Variants in FRMD4A observed in about 807,000 individuals in gnomAD.
FRMD4A encodes the protein FERM domain-containing protein 4A.
A neutral mutation model predicts 129.1 loss-of-function variants in FRMD4A; 29 were observed. That is an observed-to-expected ratio of 0.22 (90% CI 0.17 to 0.31). The LOEUF (loss-of-function observed/expected upper bound fraction) is 0.31, where lower values mean the gene tolerates loss of function less well. Among genes scored for constraint, FRMD4A ranks in the 10% least tolerant of loss-of-function variants. FRMD4A has a pLI of 1.00. For synonymous variants in FRMD4A, 634 were observed against 571.6 expected (o/e 1.11, Z -1.56); for missense variants, 1,272 against 1,375.8 (o/e 0.92, Z 1.19).
At chr10:14,224,823 A>C (rs1489289043) in intron 2 of FRMD4A, among the ~76,000 whole-genome samples, 2 of 152,348 alleles carry the variant, frequency 1.3e-5, no homozygotes, top group East Asian at 3.9e-4. Flanking sequence ...GACAGGCCTC[A>C]AGTTTTGTCA....
At chr10:13,696,289 G>A (rs1005882333) in intron 14 of FRMD4A, among the ~76,000 whole-genome samples, 2 of 152,166 alleles carry the variant, frequency 1.3e-5, no homozygotes, top group East Asian at 1.9e-4. Context: ...CAAGCATGGC[G>A]AGTACAACCC....
At chr10:14,194,474 G>T (rs1359871966) in intron 2 of FRMD4A, among the ~76,000 whole-genome samples, 1 of 152,210 alleles carries the variant, frequency 6.6e-6, no homozygotes, top group Non-Finnish European at 1.5e-5. Flanking sequence ...AGCCGGGCGT[G>T]GTGGCAGGCA....
At chr10:14,129,068 C>T (rs890727713) in intron 2 of FRMD4A, among the ~76,000 whole-genome samples, 1 of 151,920 alleles carries the variant, frequency 6.6e-6, no homozygotes, top group African/African-American at 2.4e-5. Flanking sequence ...GTGGCCCCCC[C>T]AATACCCTAT....
rs576019301 is a variant in FRMD4A at position 13,862,590 on chromosome 10, G to A, written c.46-3678C>T. ...CCTAGGAAATTTACAAACATGCTCC[G>A]TATTTTAATGCCTCCCTGTAGAAAG... is the stretch of plus-strand genomic sequence containing the variant. On this transcript the variant is annotated intron_variant, in intron 2 of 24. Coordinates refer to ENST00000357447, the MANE Select transcript of FRMD4A (RefSeq NM_018027.5). Among the ~76,000 whole-genome samples, 5 of 152,206 alleles carry A rather than the reference G, an allele frequency of 3.3e-5. No homozygotes were observed. The South Asian group carries it at 8.3e-4, about 25-fold the overall frequency.
At chr10:14,322,389 G>T (rs1319188130) in intron 2 of FRMD4A, among the ~76,000 whole-genome samples, 4 of 152,174 alleles carry the variant, frequency 2.6e-5, no homozygotes, top group Non-Finnish European at 5.9e-5. Flanking sequence ...CTGGGCTGAG[G>T]TGTTCTGAGT....
rs181978678 is a variant in FRMD4A at position 14,021,263 on chromosome 10, G to A, written c.46-162351C>T. Among the ~76,000 whole-genome samples, 5 of 152,142 alleles carry A rather than the reference G, an allele frequency of 3.3e-5. No individual in the cohort carries two copies. In the East Asian group the frequency reaches 9.7e-4, roughly 29 times the overall value. ...CTTTATATAAAAGCTGGGGGGTCCAGACATGGTGGCTCACACCTGTAATAA... is the reference window on the plus strand; with the variant it reads ...CTTTATATAAAAGCTGGGGGGTCCAAACATGGTGGCTCACACCTGTAATAA... On this transcript the variant is annotated intron_variant, in intron 2 of 24. Transcript: ENST00000357447.
Position 13,759,495 on chromosome 10 carries a change from C to T in FRMD4A, c.464+2152G>A, listed in dbSNP as rs1588589729. Among the ~76,000 whole-genome samples the T allele has an allele frequency of 2.0e-5, 3 of 152,114 alleles. No homozygotes were observed. In the South Asian group the frequency reaches 6.2e-4, roughly 31 times the overall value. On this transcript the variant is annotated intron_variant, in intron 8 of 24. Coordinates refer to ENST00000357447, the MANE Select transcript of FRMD4A (RefSeq NM_018027.5). ...CTCTCAAAATAAATAATATTTACAGCAGAGTTCAGAGCTGGCGAAAGAAAT... is the reference window on the plus strand; with the variant it reads ...CTCTCAAAATAAATAATATTTACAGTAGAGTTCAGAGCTGGCGAAAGAAAT...
chr10:13,905,073 C>G (rs1331760566), intron 2 of FRMD4A, among the ~76,000 whole-genome samples: 1 of 151,236 alleles, frequency 6.6e-6, no homozygotes, highest in East Asian at 1.9e-4. Context: ...TTAAGGAAGG[C>G]AGCCTTCCTT....
At chr10:13,648,075 A>G (rs762011991) in intron 24 of FRMD4A, 6 of 152,188 alleles carry the variant, frequency 3.9e-5, no homozygotes, top group Non-Finnish European at 5.9e-5. Flanking sequence ...TCATTTGCTA[A>G]CCTCTCTAGG....
intron 2 of FRMD4A, among the ~76,000 whole-genome samples, chr10:13,877,512 G>C (rs1307123720): frequency 6.6e-6 from 1 of 152,142 alleles, no homozygotes; most frequent in East Asian, 1.9e-4. Context: ...AGTTCCATGA[G>C]GTCAAAAAGA....
chr10:13,964,077 C>G (rs1297246130), intron 2 of FRMD4A, among the ~76,000 whole-genome samples: 2 of 150,736 alleles, frequency 1.3e-5, no homozygotes, highest in African/African-American at 4.9e-5. Flanking sequence ...AACCCAGAAC[C>G]AGAGAGGAGA....
In FRMD4A at chr10:14,315,047, C is replaced by A. The variant is rs145031654; in HGVS notation, c.45+15011G>T. On this transcript the variant is annotated intron_variant, in intron 2 of 24. Transcript: ENST00000357447. ...CTTGAAAGTTTCTACTCTCTTTATA[C>A]GACAAATTATATTCTCTTGGAATTC... 3.2e-3 allele frequency among the ~76,000 whole-genome samples: 489 copies of A among 151,910 alleles called. 3 individuals carry two copies. The highest frequency in any genetic ancestry group is 4.8e-3 in the Non-Finnish European group (327 of 67,982).
intron 2 of FRMD4A, among the ~76,000 whole-genome samples, chr10:13,909,794 C>G (rs1254238335): frequency 6.6e-6 from 1 of 152,036 alleles, no homozygotes; most frequent in East Asian, 1.9e-4. Flanking sequence ...AAATGAAAAC[C>G]CAAACGCAAG....
chr10:13,814,824 A>G (rs1233616294), intron 3 of FRMD4A, among the ~76,000 whole-genome samples: 1 of 152,118 alleles, frequency 6.6e-6, no homozygotes, highest in Non-Finnish European at 1.5e-5. Context: ...TCATCACTCC[A>G]TAGAATGATT....
At chr10:14,183,179 T>C (rs969170560) in intron 2 of FRMD4A, among the ~76,000 whole-genome samples, 2 of 152,208 alleles carry the variant, frequency 1.3e-5, no homozygotes, top group African/African-American at 4.8e-5. Flanking sequence ...ACTCGATTTT[T>C]CTTAATTTAA....
At position 13,694,018 on chromosome 10, in the gene FRMD4A, T is replaced by C; in HGVS notation, c.997A>G (p.Ser333Gly). 6.6e-7 allele frequency: 1 copy of C among 1,520,564 alleles called. No individual in the cohort carries two copies. Among genetic ancestry groups the C allele is most frequent in the Non-Finnish European group, 8.8e-7 (1 of 1,136,692 alleles). The allele number at this position is 1,520,564 out of a possible 1,614,324, so 94.2% of individuals were successfully genotyped here. A position where few individuals can be genotyped will look rare whatever the true frequency, so the allele number is the denominator to read the frequency against. Residue 333 changes from serine (S) to glycine (G), a missense_variant, in exon 15 of 25, where the codon AGC (serine) becomes GGC (glycine). Transcript: ENST00000357447. ...AGGTCGATGGCGATCTCACTCAGGC[T>C]GCGTGCTGCATGGATTTTGGACTGG... ...QSKSKIHAAR[S>G]LSEIAIDLTE... is the part of the protein sequence containing the mutation.
At position 14,131,215 on chromosome 10, in the gene FRMD4A, C is replaced by A. The variant is rs562368026; in HGVS notation, c.45+198843G>T. ...AATGAAGCACAGAGTTCACAAATCT[C>A]TCCTCTAACGACAACACATCTAAAA... On this transcript the variant is annotated intron_variant, in intron 2 of 24. Coordinates refer to ENST00000357447, the MANE Select transcript of FRMD4A (RefSeq NM_018027.5). Among the ~76,000 whole-genome samples the A allele has an allele frequency of 1.1e-3, 172 of 152,318 alleles. 1 individual carries two copies. The highest frequency in any genetic ancestry group is 4.0e-3 in the African/African-American group (168 of 41,570).
intron 6 of FRMD4A, among the ~76,000 whole-genome samples, chr10:13,782,144 T>C (rs2092752876): frequency 7.7e-6 from 1 of 129,320 alleles, no homozygotes; most frequent in Non-Finnish European, 1.7e-5. Context: ...TTTACAATTT[T>C]TTTTAAAAAA....
At chr10:14,210,033 A>G (rs950566247) in intron 2 of FRMD4A, among the ~76,000 whole-genome samples, 4 of 152,182 alleles carry the variant, frequency 2.6e-5, no homozygotes, top group Non-Finnish European at 5.9e-5. Context: ...AGGCATCTCA[A>G]TTTCATACTT....
Sources: allele counts gnomAD v4.1 joint callset (sites outside exome capture counted in the v4.1 genomes callset), GRCh38; gene constraint gnomAD v4.1.1; transcripts MANE v1.5; gene names NCBI Gene and HGNC (gene_info 2026-07-23, HGNC 2026-07-21).